INPP4B: variants seen among roughly 807,000 people sequenced by gnomAD.
INPP4B encodes inositol polyphosphate-4-phosphatase type II B.
Under a neutral mutation model 122.5 loss-of-function variants are expected in INPP4B, and 55 were observed. The ratio of observed to expected loss-of-function variants is 0.45; its 90% CI spans 0.36 to 0.56. The LOEUF is 0.56. Among genes scored for constraint, INPP4B ranks in the 20% least tolerant of loss-of-function variants. The pLI, the probability that INPP4B is intolerant of heterozygous loss-of-function variation, is 0.00. For synonymous variants in INPP4B, 403 were observed against 388.7 expected (o/e 1.04, Z -0.43); for missense variants, 1,000 against 1,097.7 (o/e 0.91, Z 1.26).
intron 11 of INPP4B, among the ~76,000 whole-genome samples, chr4:142,260,047 C>T (rs374477460): frequency 1.3e-5 from 2 of 152,140 alleles, no homozygotes; most frequent in South Asian, 2.1e-4. Context: ...TGCAGTGGCG[C>T]GATCTCGGCT....
chr4:142,591,626 GA>G lies in INPP4B; in HGVS notation c.-190-128901del, dbSNP rs572456350. Among the ~76,000 whole-genome samples, 6 of 151,698 alleles carry G rather than the reference GA, an allele frequency of 4.0e-5. No individual in the cohort carries two copies. In the South Asian group the frequency reaches 8.3e-4, roughly 21 times the overall value. The stretch of plus-strand genomic sequence containing the variant: ...CTTCCAAAAAGCACTATGGCAAGAA[GA>G]AAAAAAAGAGTAAATTTACATGGGA... On this transcript the variant is annotated intron_variant, in intron 2 of 25. Transcript: ENST00000262992.
Position 142,208,425 on chromosome 4 carries a change from C to A in INPP4B, c.1072G>T (p.Asp358Tyr). The change falls in exon 14 of 26, where the codon GAT becomes TAT. Residue 358 changes from aspartate to tyrosine, a missense_variant and splice_region_variant. By Grantham distance (160) the Asp-to-Tyr change is radical (BLOSUM62 -3). Coordinates refer to ENST00000262992, the MANE Select transcript of INPP4B (RefSeq NM_001101669.3). ...RMQVHSPHLK[D>Y]ALYDVITVGA... Reference sequence around the variant, plus strand: ...TTTTTAAAAGAATAATTTATGATACCTTTCAAGTGAGGGCTGTGTACCTGC... The same window carrying A: ...TTTTTAAAAGAATAATTTATGATACATTTCAAGTGAGGGCTGTGTACCTGC... 1 of 1,510,064 alleles carries A rather than the reference C, an allele frequency of 6.6e-7. No individual in the cohort carries two copies. Among genetic ancestry groups the A allele is most frequent in the South Asian group, 1.2e-5 (1 of 82,538 alleles). 93.5% of individuals were successfully genotyped at this position (1,510,064 alleles called of 1,614,324 possible).
At chr4:142,477,161 T>C (rs1291199937) in intron 2 of INPP4B, among the ~76,000 whole-genome samples, 3 of 151,992 alleles carry the variant, frequency 2.0e-5, no homozygotes, top group Non-Finnish European at 1.5e-5. Flanking sequence ...AACCATACAG[T>C]TACATGGAAA....
At chr4:142,780,049 T>C (rs2151024061) in intron 1 of INPP4B, among the ~76,000 whole-genome samples, 1 of 152,298 alleles carries the variant, frequency 6.6e-6, no homozygotes, top group Admixed American at 6.5e-5. Context: ...CCATATTTAC[T>C]AAATAAATGT....
chr4:142,397,645 T>G (rs1799780550), intron 7 of INPP4B, among the ~76,000 whole-genome samples: 1 of 151,908 alleles, frequency 6.6e-6, no homozygotes, highest in Admixed American at 6.6e-5. Flanking sequence ...GAGACCATCC[T>G]GGCCAACACG....
Position 142,445,627 on chromosome 4 carries a change from G to C in INPP4B, c.-126-14242C>G, listed in dbSNP as rs568850235. ...TGAGGACACAAACATTCCTCTAATTGTCAGAGTAAACAGAAAATCAGTGAG... is the reference window on the plus strand; with the variant it reads ...TGAGGACACAAACATTCCTCTAATTCTCAGAGTAAACAGAAAATCAGTGAG... On this transcript the variant is annotated intron_variant, in intron 3 of 25. Transcript: ENST00000262992. 2.6e-5 allele frequency among the ~76,000 whole-genome samples: 4 copies of C among 151,972 alleles called. 1 individual carries two copies. Among genetic ancestry groups the C allele is most frequent in the South Asian group, 4.2e-4 (2 of 4,802 alleles).
intron 2 of INPP4B, among the ~76,000 whole-genome samples, chr4:142,709,144 T>C (rs1762815438): frequency 6.6e-6 from 1 of 152,204 alleles, no homozygotes; most frequent in Admixed American, 6.5e-5. Flanking sequence ...TTGTTTTGGC[T>C]GATTTCTTCT....
At chr4:142,743,172 C>A (rs1455080717) in intron 1 of INPP4B, among the ~76,000 whole-genome samples, 1 of 151,950 alleles carries the variant, frequency 6.6e-6, no homozygotes, top group East Asian at 1.9e-4. Flanking sequence ...TCAAGCATTG[C>A]ACAACATGCA....
intron 2 of INPP4B, among the ~76,000 whole-genome samples, chr4:142,546,108 C>A (rs1055144068): frequency 2.0e-5 from 3 of 151,762 alleles, no homozygotes; most frequent in Non-Finnish European, 4.4e-5. Context: ...TTGAAAGGAC[C>A]CAATGTGTGT....
chr4:142,800,063 A>G (rs1777814964), intron 1 of INPP4B, among the ~76,000 whole-genome samples: 1 of 152,110 alleles, frequency 6.6e-6, no homozygotes. Flanking sequence ...GAATGCAATA[A>G]TTGGAAAAGC....
intron 1 of INPP4B, among the ~76,000 whole-genome samples, chr4:142,788,638 G>C (rs1776087470): frequency 6.6e-6 from 1 of 151,952 alleles, no homozygotes; most frequent in Non-Finnish European, 1.5e-5. Flanking sequence ...TCCCCACTGA[G>C]TCCCCAAAGT....
intron 10 of INPP4B, among the ~76,000 whole-genome samples, chr4:142,267,952 A>G (rs1743628646): frequency 1.3e-5 from 2 of 152,118 alleles, no homozygotes; most frequent in South Asian, 4.1e-4. Flanking sequence ...AATGCTCATC[A>G]TTGCTGATTA....
chr4:142,497,635 A>G (rs1041500729), intron 2 of INPP4B, among the ~76,000 whole-genome samples: 3 of 152,230 alleles, frequency 2.0e-5, no homozygotes, highest in African/African-American at 4.8e-5. Context: ...ACACTTAAAC[A>G]TAAGTAAAAC....
chr4:142,351,497 A>T (rs1308748926), intron 7 of INPP4B, among the ~76,000 whole-genome samples: 1 of 151,978 alleles, frequency 6.6e-6, no homozygotes, highest in Non-Finnish European at 1.5e-5. Context: ...GGGCTGTTAG[A>T]GAAAGCATTT....
At chr4:142,238,430 C>T (rs748054131) in intron 11 of INPP4B, among the ~76,000 whole-genome samples, 1 of 151,980 alleles carries the variant, frequency 6.6e-6, no homozygotes, top group Non-Finnish European at 1.5e-5. Flanking sequence ...ATACTTTGAA[C>T]AAATATATTT....
intron 18 of INPP4B, among the ~76,000 whole-genome samples, chr4:142,125,395 A>G (rs1403090715): frequency 6.6e-6 from 1 of 152,118 alleles, no homozygotes; most frequent in Non-Finnish European, 1.5e-5. Context: ...TAAATAAATA[A>G]AGTTCAAACT....
intron 1 of INPP4B, among the ~76,000 whole-genome samples, chr4:142,734,195 T>C (rs146660199): frequency 0.016 from 2,405 of 152,132 alleles, 57 homozygotes; most frequent in African/African-American, 0.053. Flanking sequence ...GAGGGATGCA[T>C]GAGCACAGGC....
intron 2 of INPP4B, among the ~76,000 whole-genome samples, chr4:142,638,025 C>T (rs986183289): frequency 6.6e-6 from 1 of 151,850 alleles, no homozygotes; most frequent in African/African-American, 2.4e-5. Context: ...GGTCTTTTGC[C>T]CATTTAAAAA....
At chr4:142,185,675 A>T (rs2636678) in intron 15 of INPP4B, among the ~76,000 whole-genome samples, 13 of 151,800 alleles carry the variant, frequency 8.6e-5, no homozygotes, top group East Asian at 5.9e-4. Context: ...GTCAGGAGAC[A>T]GAGACCATCC....
Sources: gnomAD v4.1 joint callset for allele counts (sites outside exome capture counted in the v4.1 genomes callset) on GRCh38, gnomAD v4.1.1 for gene constraint, MANE v1.5 for transcripts, NCBI Gene and HGNC (gene_info 2026-07-23, HGNC 2026-07-21) for gene names.